Variants in KCNN2 observed in about 807,000 individuals in gnomAD.
The protein encoded by KCNN2 is small conductance calcium-activated potassium channel protein 2.
KCNN2 carries 24 observed loss-of-function variants against 55.5 expected under a neutral mutation model. The ratio of observed to expected loss-of-function variants is 0.43; its 90% CI spans 0.31 to 0.61. The LOEUF (loss-of-function observed/expected upper bound fraction) is 0.61, where lower values mean the gene tolerates loss of function less well. Ranked by LOEUF, KCNN2 falls within the 20% of genes least tolerant of loss-of-function variation. KCNN2 has a pLI of 0.08. For synonymous variants in KCNN2, 431 were observed against 336.1 expected (o/e 1.28, Z -3.09); for missense variants, 754 against 853.6 (o/e 0.88, Z 1.45).
intron 1 of KCNN2, among the ~76,000 whole-genome samples, chr5:114,201,551 A>C (rs969217720): frequency 6.6e-6 from 1 of 152,096 alleles, no homozygotes; most frequent in Non-Finnish European, 1.5e-5. Flanking sequence ...TGAATATTGT[A>C]CTAGGTATGC....
At chr5:114,296,777 A>AG (rs1756020059) in intron 2 of KCNN2, among the ~76,000 whole-genome samples, 1 of 152,214 alleles carries the variant, frequency 6.6e-6, no homozygotes, top group Non-Finnish European at 1.5e-5. Context: ...AGAATAAGTA[A>AG]ATATTGTTTG....
chr5:114,195,571 G>T, intron 1 of KCNN2, among the ~76,000 whole-genome samples: 1 of 151,672 alleles, frequency 6.6e-6, no homozygotes, highest in Non-Finnish European at 1.5e-5. Flanking sequence ...CATTCTAATA[G>T]TCTTTTATTT....
At chr5:114,160,662 G>T (rs1752753797) in intron 1 of KCNN2, among the ~76,000 whole-genome samples, 1 of 152,064 alleles carries the variant, frequency 6.6e-6, no homozygotes, top group South Asian at 2.1e-4. Flanking sequence ...GGTCACTAAG[G>T]ACTTGCTTTA....
At chr5:114,118,528 T>G (rs1751763955) in intron 1 of KCNN2, among the ~76,000 whole-genome samples, 1 of 152,004 alleles carries the variant, frequency 6.6e-6, no homozygotes, top group Non-Finnish European at 1.5e-5. Context: ...AGCTCACCAG[T>G]GAGGCAGAAA....
intron 1 of KCNN2, among the ~76,000 whole-genome samples, chr5:114,063,368 G>A (rs1001907695): frequency 6.6e-6 from 1 of 152,206 alleles, no homozygotes; most frequent in African/African-American, 2.4e-5. Flanking sequence ...TTTGCCATAT[G>A]TGGGATAGTA....
chr5:114,121,475 C>G (rs1751829201), intron 1 of KCNN2, among the ~76,000 whole-genome samples: 1 of 152,092 alleles, frequency 6.6e-6, no homozygotes, highest in Non-Finnish European at 1.5e-5. Context: ...GTATACGGAC[C>G]TATATACTGG....
chr5:114,070,098 C>A (rs1750536532), intron 1 of KCNN2, among the ~76,000 whole-genome samples: 1 of 152,182 alleles, frequency 6.6e-6, no homozygotes, highest in South Asian at 2.1e-4. Context: ...CTGATTCAAT[C>A]TTTTATCTTA....
Position 114,179,471 on chromosome 5 carries a change from T to C in KCNN2, c.-270-42009T>C, listed in dbSNP as rs567863618. Among the ~76,000 whole-genome samples, 6 of 152,308 alleles carry C rather than the reference T, an allele frequency of 3.9e-5. No homozygotes were observed. In the East Asian group the frequency reaches 1.2e-3, roughly 29 times the overall value. On this transcript the variant is annotated intron_variant, in intron 1 of 10. Coordinates refer to the KCNN2 transcript ENST00000512097. ...TCATTGTGCTTTCAATCAAAGGTTA[T>C]TATCTCCATTTAGAAAGTAGAGGCA...
intron 3 of KCNN2, among the ~76,000 whole-genome samples, chr5:114,456,740 C>T (rs1760942789): frequency 6.6e-6 from 1 of 152,136 alleles, no homozygotes; most frequent in Non-Finnish European, 1.5e-5. Flanking sequence ...TTCTAAACCT[C>T]ATGGATAACT....
At chr5:114,203,985 C>G (rs1347124221) in intron 1 of KCNN2, among the ~76,000 whole-genome samples, 1 of 152,180 alleles carries the variant, frequency 6.6e-6, no homozygotes, top group Non-Finnish European at 1.5e-5. Flanking sequence ...TCATTCATTT[C>G]AAGCTTAAAA....
At chr5:114,188,409 T>C (rs184360794) in intron 1 of KCNN2, among the ~76,000 whole-genome samples, 20 of 152,302 alleles carry the variant, frequency 1.3e-4, no homozygotes, top group Admixed American at 1.2e-3. Flanking sequence ...TATGTTTCTG[T>C]GTCTCAAAAA....
At chr5:114,334,629 G>A (rs1756889510) in intron 2 of KCNN2, among the ~76,000 whole-genome samples, 1 of 151,646 alleles carries the variant, frequency 6.6e-6, no homozygotes, top group Non-Finnish European at 1.5e-5. Context: ...TAGACTCTAT[G>A]GCTAAACTTA....
chr5:114,087,783 T>A (rs916517944), intron 1 of KCNN2, among the ~76,000 whole-genome samples: 4 of 152,124 alleles, frequency 2.6e-5, no homozygotes, highest in Non-Finnish European at 4.4e-5. Flanking sequence ...TTGTTTTATT[T>A]TTTAGTGTTT....
intron 1 of KCNN2, among the ~76,000 whole-genome samples, chr5:114,066,606 G>T (rs1023624543): frequency 6.6e-6 from 1 of 152,102 alleles, no homozygotes; most frequent in South Asian, 2.1e-4. Context: ...ACGAAATCTC[G>T]CTCTGTCTCT....
intron 3 of KCNN2, among the ~76,000 whole-genome samples, chr5:114,414,539 C>A (rs1016303458): frequency 1.3e-5 from 2 of 152,116 alleles, no homozygotes; most frequent in Non-Finnish European, 2.9e-5. Flanking sequence ...CTGTCCCACC[C>A]TGATAGTTCC....
In KCNN2 at chr5:114,200,194, T is replaced by C. The variant is rs548326899; in HGVS notation, c.-270-21286T>C. ...TGTCACAAAGGATTTGTTCATTTTT[T>C]AAAATACTTTTTTTTTATTTTTGTC... On this transcript the variant is annotated intron_variant, in intron 1 of 10. Transcript: ENST00000512097. Among the ~76,000 whole-genome samples the C allele has an allele frequency of 2.0e-5, 3 of 152,268 alleles. No homozygotes were observed. The South Asian group carries it at 6.2e-4, about 32-fold the overall frequency.
At chr5:114,146,603 C>A (rs914840424) in intron 1 of KCNN2, among the ~76,000 whole-genome samples, 24 of 152,126 alleles carry the variant, frequency 1.6e-4, no homozygotes, top group Non-Finnish European at 2.5e-4. Flanking sequence ...AAAGAAGGAA[C>A]ATGAGTAATA....
intron 1 of KCNN2, among the ~76,000 whole-genome samples, chr5:114,103,402 T>A (rs1297754836): frequency 6.6e-6 from 1 of 152,176 alleles, no homozygotes; most frequent in African/African-American, 2.4e-5. Context: ...GTCTTCCTAT[T>A]TGAATACTCT....
chr5:114,157,251 C>T (rs894263591), intron 1 of KCNN2, among the ~76,000 whole-genome samples: 8 of 150,126 alleles, frequency 5.3e-5, no homozygotes, highest in South Asian at 2.1e-4. Context: ...TGAGAACATG[C>T]GGTGTTTGGC....
Sources: allele counts gnomAD v4.1 joint callset (sites outside exome capture counted in the v4.1 genomes callset), GRCh38; gene constraint gnomAD v4.1.1; transcripts MANE v1.5; gene names NCBI Gene and HGNC (gene_info 2026-07-23, HGNC 2026-07-21).